The following HNF4A variants were observed in gnomAD, a reference collection of about 807,000 sequenced individuals.
HNF4A encodes the protein hepatocyte nuclear factor 4 alpha, also known as hepatocyte nuclear factor 4-alpha.
Under a neutral mutation model 52.4 loss-of-function variants are expected in HNF4A, and 15 were observed. The observed-to-expected ratio is 0.29, with a 90% CI of 0.19 to 0.44. HNF4A has a LOEUF of 0.44. Ranked by LOEUF, HNF4A falls within the 20% of genes least tolerant of loss-of-function variation. The pLI is 1.00. For synonymous variants in HNF4A, 280 were observed against 264.4 expected, an observed-to-expected ratio of 1.06 and a Z score of -0.57; for missense variants, 479 against 647.2, an observed-to-expected ratio of 0.74 and a Z score of 2.82.
chr20:44,379,538 TTTTG>T (rs1012321986), intron 1 of HNF4A, among the ~76,000 whole-genome samples: 4 of 151,966 alleles, frequency 2.6e-5, no homozygotes, highest in African/African-American at 7.2e-5. Context: ...TTATTGTGTG[TTTTG>T]TTTGTTTGTT....
chr20:44,401,697 G>A (rs2063411992), intron 1 of HNF4A, among the ~76,000 whole-genome samples: 1 of 152,232 alleles, frequency 6.6e-6, no homozygotes, highest in Non-Finnish European at 1.5e-5. Flanking sequence ...GGCCTGCAAG[G>A]GCCAATTTCC....
chr20:44,388,360 C>T lies in HNF4A; in HGVS notation c.50-17698C>T, dbSNP rs557257532. Among the ~76,000 whole-genome samples the T allele has an allele frequency of 8.8e-4, 120 of 136,170 alleles. 1 individual carries two copies. Among genetic ancestry groups the T allele is most frequent in the African/African-American group, 3.4e-3 (113 of 32,952 alleles). 89.3% of individuals were successfully genotyped at this position (136,170 alleles called of 152,430 possible). A position where few individuals can be genotyped will look rare whatever the true frequency, so the allele number is the denominator to read the frequency against. On this transcript the variant is annotated intron_variant, in intron 1 of 9. Transcript: ENST00000316673. ...CATGGAAGCAGCACAAAGCCTGGAA[C>T]CTTCCTCAAAGACCCCCCCCACCCC...
chr20:44,358,825 C>T (rs1359217429), intron 1 of HNF4A, among the ~76,000 whole-genome samples: 1 of 152,084 alleles, frequency 6.6e-6, no homozygotes, highest in East Asian at 1.9e-4. Context: ...GTGCTTAGAA[C>T]AGTCCTGGGT....
downstream of HNF4A, chr20:44,433,786 G>A (rs1288820345): frequency 1.3e-5 from 2 of 152,348 alleles, no homozygotes; most frequent in Non-Finnish European, 1.5e-5. Context: ...ACTATTACAG[G>A]AGGGTGGCCT....
intron 1 of HNF4A, chr20:44,391,984 A>G (rs2063307145): frequency 6.6e-6 from 1 of 152,230 alleles, no homozygotes; most frequent in African/African-American, 2.4e-5. Context: ...TAAGTAAAAT[A>G]TTAAATAATA....
intron 1 of HNF4A, among the ~76,000 whole-genome samples, chr20:44,378,705 A>G (rs1382076896): frequency 2.6e-5 from 4 of 152,034 alleles, no homozygotes; most frequent in Non-Finnish European, 5.9e-5. Flanking sequence ...TCCCCTTGGG[A>G]GGCTAACATG....
At chr20:44,422,246 G>C (rs1198897261) in intron 7 of HNF4A, among the ~76,000 whole-genome samples, 1 of 152,134 alleles carries the variant, frequency 6.6e-6, no homozygotes, top group Admixed American at 6.6e-5. Context: ...GGCCCAGCCT[G>C]TATCCTCTGT....
At chr20:44,369,206 G>A (rs2063004440) in intron 1 of HNF4A, among the ~76,000 whole-genome samples, 2 of 120,756 alleles carry the variant, frequency 1.7e-5, no homozygotes, top group Non-Finnish European at 3.2e-5. Flanking sequence ...CTGAGATCAC[G>A]CCATTGCATT....
chr20:44,359,989 A>G (rs548160954), intron 1 of HNF4A, among the ~76,000 whole-genome samples: 107 of 151,842 alleles, frequency 7.0e-4, no homozygotes, highest in African/African-American at 2.5e-3. Flanking sequence ...TTCTACCCTT[A>G]TTTTCCCTTT....
In HNF4A at chr20:44,406,089, C is replaced by G; in HGVS notation, c.147C>G (p.Asn49Lys). 1 of 1,613,032 alleles carries G rather than the reference C, an allele frequency of 6.2e-7. No homozygotes were observed. Among genetic ancestry groups the G allele is most frequent in the Non-Finnish European group, 8.5e-7 (1 of 1,180,024 alleles). The change falls in exon 2 of 10, where the codon AAC becomes AAG. Residue 49 changes from asparagine to lysine, a missense_variant. Asn to Lys is a moderately conservative substitution (Grantham distance 94, BLOSUM62 0). Coordinates refer to ENST00000316099, the MANE Select transcript of HNF4A (RefSeq NM_000457.6). ...CCCCATCAGAAGGCACCAACCTCAA[C>G]GCGCCCAACAGCCTGGGTGTCAGCG...
intron 1 of HNF4A, chr20:44,402,558 T>C: frequency 7.3e-7 from 1 of 1,365,188 alleles, no homozygotes; most frequent in Non-Finnish European, 9.8e-7. Flanking sequence ...GAGCAGATTT[T>C]GTTGCCGCTG....
chr20:44,434,196 C>T (rs1308507240), downstream of HNF4A: 1 of 152,170 alleles, frequency 6.6e-6, no homozygotes, highest in Non-Finnish European at 1.5e-5. Context: ...GCAGGTCACT[C>T]CACCACTCCG....
At chr20:44,375,771 G>T (rs1001979728) in intron 1 of HNF4A, among the ~76,000 whole-genome samples, 88 of 152,144 alleles carry the variant, frequency 5.8e-4, no homozygotes, top group Non-Finnish European at 8.5e-4. Flanking sequence ...CATTATCCGA[G>T]AACTTCTCAG....
rs1568744744 is a variant in HNF4A at position 44,428,394 on chromosome 20, C to A, written c.1189C>A (p.His397Asn). The A allele has an allele frequency of 1.2e-6, 2 of 1,614,170 alleles. No individual in the cohort carries two copies. The highest frequency in any genetic ancestry group is 1.7e-6 in the Non-Finnish European group (2 of 1,180,012). ...CCTGCACCCTCACCTGATGCAGGAA[C>A]ATATGGGAACCAACGTCATCGTTGC... is the stretch of plus-strand genomic sequence containing the variant. The change falls in exon 9 of 10, where the codon CAT becomes AAT. Residue 397 changes from histidine (H) to asparagine (N), a missense_variant. Physicochemically the swap from His to Asn is moderately conservative, Grantham distance 68. Transcript: ENST00000316099.
In HNF4A at chr20:44,415,604, C is replaced by T. The variant is rs577364935; in HGVS notation, c.648+942C>T. Among the ~76,000 whole-genome samples, 49 of 152,322 alleles carry T rather than the reference C, an allele frequency of 3.2e-4. 1 individual carries two copies. In the South Asian group the frequency reaches 0.01, roughly 32 times the overall value. On this transcript the variant is annotated intron_variant, in intron 5 of 9. Coordinates refer to ENST00000316099, the MANE Select transcript of HNF4A (RefSeq NM_000457.6). ...AGACAGACTCTGGTGCATTCGCTTA[C>T]CCGTTTCGCACCTTTGCATAAGACA...
intron 2 of HNF4A, 105 bp downstream of exon 2, chr20:44,406,337 T>C: frequency 2.1e-6 from 2 of 962,762 alleles, no homozygotes; most frequent in Non-Finnish European, 1.6e-6. Context: ...CAGCTGCCCT[T>C]CAGGGCCTTC....
At chr20:44,424,321 T>C in intron 8 of HNF4A, 67 bp downstream of exon 8, 6 of 1,596,040 alleles carry the variant, frequency 3.8e-6, no homozygotes, top group South Asian at 1.1e-5. Flanking sequence ...CCTCACACAG[T>C]GAGCTCACCC....
chr20:44,416,562 A>G (rs1056626415), intron 5 of HNF4A, among the ~76,000 whole-genome samples: 1 of 152,350 alleles, frequency 6.6e-6, no homozygotes, highest in African/African-American at 2.4e-5. Context: ...CATACTGGTC[A>G]TGGAAAGTGG....
intron 1 of HNF4A, among the ~76,000 whole-genome samples, chr20:44,370,217 C>CG (rs1052105326): frequency 6.6e-6 from 1 of 152,100 alleles, no homozygotes; most frequent in Non-Finnish European, 1.5e-5. Flanking sequence ...TTAGTAGAGA[C>CG]GGGGTTTCAC....
Sources: gnomAD v4.1 joint callset for allele counts (sites outside exome capture counted in the v4.1 genomes callset) on GRCh38, gnomAD v4.1.1 for gene constraint, MANE v1.5 for transcripts, NCBI Gene and HGNC (gene_info 2026-07-23, HGNC 2026-07-21) for gene names.